Variants in FAR2 observed in about 807,000 individuals in gnomAD.
FAR2 encodes the protein epididymis secretory protein Li 81.
Under a neutral mutation model 56.0 loss-of-function variants are expected in FAR2, and 19 were observed. That is an observed-to-expected ratio of 0.34 (90% confidence interval 0.24 to 0.50). FAR2 has a LOEUF of 0.50. Among genes scored for constraint, FAR2 ranks in the 20% least tolerant of loss-of-function variants. The pLI is 0.98. For synonymous variants in FAR2, 219 were observed against 218.8 expected, an observed-to-expected ratio of 1.00 and a Z score of -0.01; for missense variants, 508 against 642.2, an observed-to-expected ratio of 0.79 and a Z score of 2.26.
chr12:29,242,491 G>A (rs953695529), intron 1 of FAR2, among the ~76,000 whole-genome samples: 1 of 152,196 alleles, frequency 6.6e-6, no homozygotes, highest in African/African-American at 2.4e-5. Flanking sequence ...GTGACACAGT[G>A]ACAGTACAGA....
intron 1 of FAR2, among the ~76,000 whole-genome samples, chr12:29,229,938 C>T (rs1055955725): frequency 1.3e-5 from 2 of 152,046 alleles, no homozygotes; most frequent in African/African-American, 2.4e-5. Context: ...ATAAAGGGAA[C>T]GGCATTCATT....
At chr12:29,279,732 C>T (rs1394695560) in intron 2 of FAR2, among the ~76,000 whole-genome samples, 7 of 152,066 alleles carry the variant, frequency 4.6e-5, no homozygotes, top group Non-Finnish European at 1.0e-4. Flanking sequence ...AAAAAGAACA[C>T]TGATGCTCTA....
intron 1 of FAR2, among the ~76,000 whole-genome samples, chr12:29,206,684 G>C (rs888274423): frequency 6.6e-6 from 1 of 152,192 alleles, no homozygotes; most frequent in African/African-American, 2.4e-5. Context: ...AATAGGCTAA[G>C]TGTTAAATAG....
At chr12:29,186,361 T>C (rs1950039480) in intron 1 of FAR2, among the ~76,000 whole-genome samples, 1 of 152,234 alleles carries the variant, frequency 6.6e-6, no homozygotes. Flanking sequence ...GGACTTCAGC[T>C]GACTCCGTCT....
intron 2 of FAR2, among the ~76,000 whole-genome samples, chr12:29,276,786 T>A (rs773142654): frequency 2.6e-5 from 4 of 151,936 alleles, no homozygotes; most frequent in Non-Finnish European, 5.9e-5. Flanking sequence ...TGTATTTTTT[T>A]ATATTTTTTA....
intron 1 of FAR2, among the ~76,000 whole-genome samples, chr12:29,170,504 G>A (rs1483368644): frequency 6.6e-6 from 1 of 152,122 alleles, no homozygotes; most frequent in African/African-American, 2.4e-5. Context: ...ATTTACCCTG[G>A]CTTTTAAAGG....
intron 1 of FAR2, among the ~76,000 whole-genome samples, chr12:29,242,495 G>A (rs1948054008): frequency 6.6e-6 from 1 of 152,344 alleles, no homozygotes; most frequent in South Asian, 2.1e-4. Flanking sequence ...CACAGTGACA[G>A]TACAGAGAAC....
At chr12:29,166,304 T>G (rs1033440327) in intron 1 of FAR2, among the ~76,000 whole-genome samples, 1 of 152,248 alleles carries the variant, frequency 6.6e-6, no homozygotes, top group Non-Finnish European at 1.5e-5. Flanking sequence ...TTATACATGA[T>G]AATAGTAATT....
chr12:29,301,943 G>A (rs943958807), intron 4 of FAR2: 3 of 152,136 alleles, frequency 2.0e-5, no homozygotes, highest in African/African-American at 4.8e-5. Context: ...AGATTAAAAG[G>A]TGCTTTCTCG....
At chr12:29,221,401 C>A (rs1002723975) in intron 1 of FAR2, among the ~76,000 whole-genome samples, 2 of 152,158 alleles carry the variant, frequency 1.3e-5, no homozygotes, top group South Asian at 4.1e-4. Context: ...CAGCTACCTA[C>A]TGTAACATAA....
chr12:29,157,841 C>A (rs529966710), intron 1 of FAR2, among the ~76,000 whole-genome samples: 2 of 152,274 alleles, frequency 1.3e-5, no homozygotes, highest in East Asian at 3.9e-4. Flanking sequence ...GCACTTCCAG[C>A]AGAGTTAGAT....
At chr12:29,284,402 T>A (rs1164895033) in intron 2 of FAR2, among the ~76,000 whole-genome samples, 1 of 152,204 alleles carries the variant, frequency 6.6e-6, no homozygotes, top group Non-Finnish European at 1.5e-5. Context: ...TTGAATGATA[T>A]CACCAGTAAG....
At chr12:29,157,713 G>A (rs1496214) in intron 1 of FAR2, among the ~76,000 whole-genome samples, 3,950 of 152,260 alleles carry the variant, frequency 0.026, 164 homozygotes, top group African/African-American at 0.087. Context: ...AGGTCATTGT[G>A]AGGGCACATT....
chr12:29,312,400 C>G (rs996569209), intron 8 of FAR2, among the ~76,000 whole-genome samples: 14 of 152,076 alleles, frequency 9.2e-5, no homozygotes, highest in African/African-American at 3.4e-4. Context: ...GTCCATCATA[C>G]TGATCATTAA....
At chr12:29,160,235 T>G (rs1473189250) in intron 1 of FAR2, among the ~76,000 whole-genome samples, 7 of 152,236 alleles carry the variant, frequency 4.6e-5, no homozygotes, top group Admixed American at 4.6e-4. Flanking sequence ...TCACAGAGAC[T>G]GTACAGCTGT....
At chr12:29,271,426 A>G (rs11050165) in intron 2 of FAR2, among the ~76,000 whole-genome samples, 8,165 of 152,266 alleles carry the variant, frequency 0.054, 526 homozygotes, top group African/African-American at 0.15. Flanking sequence ...AACTAATTTC[A>G]TAGGAACTAA....
intron 1 of FAR2, among the ~76,000 whole-genome samples, chr12:29,155,435 T>C (rs1486098193): frequency 1.3e-5 from 2 of 152,356 alleles, no homozygotes; most frequent in East Asian, 3.9e-4. Context: ...CAGAGCATAA[T>C]GGAAGAAACA....
chr12:29,220,191 A>G (rs1947669848), intron 1 of FAR2, among the ~76,000 whole-genome samples: 1 of 152,144 alleles, frequency 6.6e-6, no homozygotes, highest in Non-Finnish European at 1.5e-5. Context: ...ATTTTTCGTT[A>G]AGACCTCTTT....
At chr12:29,242,908 G>T (rs1948061607) in intron 1 of FAR2, among the ~76,000 whole-genome samples, 2 of 152,208 alleles carry the variant, frequency 1.3e-5, no homozygotes, top group African/African-American at 2.4e-5. Context: ...CTGTAAAAAT[G>T]GGTATAATAG....
Sources: gnomAD v4.1 joint callset for allele counts (sites outside exome capture counted in the v4.1 genomes callset) on GRCh38, gnomAD v4.1.1 for gene constraint, MANE v1.5 for transcripts, NCBI Gene and HGNC (gene_info 2026-07-23, HGNC 2026-07-21) for gene names.